SMOC2: variants seen among roughly 807,000 people sequenced by gnomAD.
SMOC2 encodes the protein SPARC related modular calcium binding 2.
Under a neutral mutation model 61.4 loss-of-function variants are expected in SMOC2, and 39 were observed. The observed-to-expected ratio is 0.64, with a 90% CI of 0.49 to 0.83. The LOEUF is 0.83. SMOC2 is among the 40% of genes least tolerant of loss of function. SMOC2 has a pLI of 0.00. For missense variants in SMOC2, 556 were observed against 592.9 expected (o/e 0.94, Z 0.65); for synonymous variants, 247 against 239.9 (o/e 1.03, Z -0.27).
At chr6:168,626,359 G>T (rs1296696098) in intron 9 of SMOC2, among the ~76,000 whole-genome samples, 14 of 152,162 alleles carry the variant, frequency 9.2e-5, no homozygotes, top group Admixed American at 9.2e-4. Context: ...TCCTCGTCAG[G>T]AATAATTGAC....
chr6:168,651,198 G>A (rs1787183033), intron 10 of SMOC2, among the ~76,000 whole-genome samples: 1 of 152,254 alleles, frequency 6.6e-6, no homozygotes. Flanking sequence ...GTTTACTGCA[G>A]TAAAATGTAC....
chr6:168,656,103 C>T (rs1787316270), intron 11 of SMOC2, among the ~76,000 whole-genome samples: 1 of 152,222 alleles, frequency 6.6e-6, no homozygotes, highest in Non-Finnish European at 1.5e-5. Flanking sequence ...CTAGTAGACA[C>T]CGCTCAAATC....
At chr6:168,567,065 T>G (rs1358316073) in intron 7 of SMOC2, among the ~76,000 whole-genome samples, 1 of 152,262 alleles carries the variant, frequency 6.6e-6, no homozygotes, top group Non-Finnish European at 1.5e-5. Context: ...TTTTCCAAGA[T>G]TAGTCTCAAC....
At chr6:168,492,126 A>G (rs1488770318) in intron 1 of SMOC2, among the ~76,000 whole-genome samples, 1 of 152,228 alleles carries the variant, frequency 6.6e-6, no homozygotes, top group Non-Finnish European at 1.5e-5. Flanking sequence ...GAGAAATTAC[A>G]GGTTGTATCT....
At chr6:168,445,300 C>T (rs1182581110) in intron 1 of SMOC2, among the ~76,000 whole-genome samples, 1 of 152,200 alleles carries the variant, frequency 6.6e-6, no homozygotes, top group Admixed American at 6.5e-5. Context: ...CATCTTCTCA[C>T]AGAGGGTCTG....
In SMOC2 at chr6:168,601,266, G is replaced by A. The variant is rs140026498; in HGVS notation, c.824+2262G>A. 1.9e-3 allele frequency among the ~76,000 whole-genome samples: 297 copies of A among 152,308 alleles called. 2 individuals are homozygous for A. The highest frequency in any genetic ancestry group is 6.7e-3 in the African/African-American group (277 of 41,576). ...CGCTGGGAGTCCTGCTTTGGGGAGT[G>A]TGATGACGCTGGAGCGTGAGTGCTG... On this transcript the variant is annotated intron_variant, in intron 8 of 12. Transcript: ENST00000356284.
chr6:168,463,775 G>A (rs778191355), intron 1 of SMOC2, among the ~76,000 whole-genome samples: 2 of 152,162 alleles, frequency 1.3e-5, no homozygotes, highest in Non-Finnish European at 2.9e-5. Flanking sequence ...GTGTTGCTCA[G>A]GCATCATCTC....
At chr6:168,551,003 C>T (rs1382643472) in intron 7 of SMOC2, among the ~76,000 whole-genome samples, 2 of 152,182 alleles carry the variant, frequency 1.3e-5, no homozygotes, top group Non-Finnish European at 2.9e-5. Context: ...AATTGTAATC[C>T]CCATAATCTG....
At chr6:168,568,265 C>G (rs1239229222) in intron 7 of SMOC2, among the ~76,000 whole-genome samples, 1 of 152,188 alleles carries the variant, frequency 6.6e-6, no homozygotes, top group Admixed American at 6.5e-5. Context: ...CTCATGTCTT[C>G]TCCTCAGGGG....
chr6:168,501,361 G>A lies in SMOC2; in HGVS notation c.85-8554G>A, dbSNP rs73254707. Among the ~76,000 whole-genome samples the A allele has an allele frequency of 1.7e-3, 264 of 152,320 alleles. 2 individuals are homozygous for A. Among genetic ancestry groups the A allele is most frequent in the African/African-American group, 6.0e-3 (248 of 41,578 alleles). On this transcript the variant is annotated intron_variant, in intron 1 of 12. Coordinates refer to ENST00000356284, the MANE Select transcript of SMOC2 (RefSeq NM_001166412.2). ...AACACAAAATAAATGTTTTGGAAAAGGAGAAGAGAGTTGCAGAGCAAAAAG... is the reference window on the plus strand; with the variant it reads ...AACACAAAATAAATGTTTTGGAAAAAGAGAAGAGAGTTGCAGAGCAAAAAG...
chr6:168,504,698 C>T (rs1479731954), intron 1 of SMOC2, among the ~76,000 whole-genome samples: 1 of 152,180 alleles, frequency 6.6e-6, no homozygotes, highest in Non-Finnish European at 1.5e-5. Context: ...CACCTGTGTT[C>T]TTCCTTATAC....
At chr6:168,450,020 C>T (rs1232671326) in intron 1 of SMOC2, among the ~76,000 whole-genome samples, 1 of 151,722 alleles carries the variant, frequency 6.6e-6, no homozygotes, top group African/African-American at 2.4e-5. Context: ...ATTGCTGCTT[C>T]CTTGAGATGT....
chr6:168,555,314 A>G (rs755582775), intron 7 of SMOC2, among the ~76,000 whole-genome samples: 19 of 152,228 alleles, frequency 1.2e-4, no homozygotes, highest in Non-Finnish European at 2.4e-4. Context: ...TCTTGTCTCC[A>G]CCCGTCAAAT....
intron 2 of SMOC2, among the ~76,000 whole-genome samples, chr6:168,517,311 G>T (rs1196721076): frequency 6.6e-6 from 1 of 152,244 alleles, no homozygotes; most frequent in East Asian, 1.9e-4. Flanking sequence ...CTGGCTGTGA[G>T]GCCCAGCAGG....
At position 168,654,145 on chromosome 6, in the gene SMOC2, T is replaced by C. The variant is rs867151770; in HGVS notation, c.1285+917T>C. On this transcript the variant is annotated intron_variant, in intron 11 of 12. Transcript: ENST00000356284. Reference sequence around the variant, plus strand: ...AAATGTTAGGAACTCACCAACCCTGTACCTGAGCTCCAACCAGATGTTAGG... The same window carrying C: ...AAATGTTAGGAACTCACCAACCCTGCACCTGAGCTCCAACCAGATGTTAGG... 8.9e-3 allele frequency among the ~76,000 whole-genome samples: 666 copies of C among 74,966 alleles called. 11 individuals carry two copies. The highest frequency in any genetic ancestry group is 0.037 in the African/African-American group (443 of 11,886). 49.2% of individuals were successfully genotyped at this position (74,966 alleles called of 152,430 possible).
At chr6:168,460,020 A>G (rs1781686069) in intron 1 of SMOC2, among the ~76,000 whole-genome samples, 1 of 152,112 alleles carries the variant, frequency 6.6e-6, no homozygotes. Flanking sequence ...TGTTTCTCTC[A>G]CTAGAATTTT....
chr6:168,621,626 A>G (rs1416422924), intron 9 of SMOC2, among the ~76,000 whole-genome samples: 1 of 152,210 alleles, frequency 6.6e-6, no homozygotes, highest in Non-Finnish European at 1.5e-5. Flanking sequence ...ACTTACAATC[A>G]TGGCAGAAGG....
chr6:168,586,578 A>G, intron 7 of SMOC2, among the ~76,000 whole-genome samples: 1 of 152,150 alleles, frequency 6.6e-6, no homozygotes, highest in African/African-American at 2.4e-5. Flanking sequence ...AACTGGGGGG[A>G]ATTAAAGCAT....
intron 9 of SMOC2, among the ~76,000 whole-genome samples, chr6:168,615,694 C>T (rs1410230218): frequency 1.8e-3 from 217 of 117,338 alleles, no homozygotes; most frequent in Admixed American, 2.3e-3. Context: ...CAGCACAGGG[C>T]CTCTTCACAC....
Sources: allele counts gnomAD v4.1 joint callset (sites outside exome capture counted in the v4.1 genomes callset), GRCh38; gene constraint gnomAD v4.1.1; transcripts MANE v1.5; gene names NCBI Gene and HGNC (gene_info 2026-07-23, HGNC 2026-07-21).